RNF13: variants seen among roughly 807,000 people sequenced by gnomAD.
RNF13 encodes E3 ubiquitin-protein ligase RNF13.
In RNF13, 19 loss-of-function variants were observed where a neutral mutation model predicts 37.7. The ratio of observed to expected loss-of-function variants is 0.50; its 90% CI spans 0.35 to 0.74. The LOEUF (loss-of-function observed/expected upper bound fraction) is 0.74. RNF13 is among the 30% of genes least tolerant of loss of function. The probability of loss-of-function intolerance (pLI) is 0.01; values close to 1 mark genes in which losing one functional copy is unlikely to be tolerated. For synonymous variants in RNF13, 144 were observed against 157.8 expected (o/e 0.91, Z 0.65); for missense variants, 375 against 453.0 (o/e 0.83, Z 1.56).
chr3:149,847,545 A>G (rs1306235926), intron 2 of RNF13, among the ~76,000 whole-genome samples: 1 of 152,008 alleles, frequency 6.6e-6, no homozygotes, highest in Non-Finnish European at 1.5e-5. Context: ...AGTAATCCAT[A>G]CGAGATTTCT....
At chr3:149,818,488 A>T (rs1328917758) in intron 1 of RNF13, among the ~76,000 whole-genome samples, 4 of 152,166 alleles carry the variant, frequency 2.6e-5, no homozygotes, top group Non-Finnish European at 5.9e-5. Context: ...TGCTCAACAA[A>T]CGTAGGTACT....
chr3:149,813,723 T>A (rs76935905), intron 1 of RNF13: 4,183 of 152,350 alleles, frequency 0.027, 84 homozygotes, highest in Non-Finnish European at 0.036. Context: ...TGACTTTAGT[T>A]GAGGGGGCTG....
In RNF13 at chr3:149,911,987, T is replaced by A. The variant is rs908478602; in HGVS notation, c.510T>A (p.Leu170=). The change falls in exon 7 of 10, where the codon CTT becomes CTA. Residue 170 remains leucine, a synonymous_variant. Transcript: ENST00000392894. ...DEFTYEKGGH[L]ILVPEFSLPL... is the part of the protein sequence containing the mutation. ...TTTTGTTTTCTTCTAGGGGCCACCT[T>A]ATCTTAGTTCCAGAATTTAGTCTTC... The A allele has an allele frequency of 6.4e-7, 1 of 1,560,396 alleles. No homozygotes were observed. Among genetic ancestry groups the A allele is most frequent in the Non-Finnish European group, 8.8e-7 (1 of 1,133,048 alleles).
At chr3:149,846,890 G>T (rs1722694014) in intron 2 of RNF13, among the ~76,000 whole-genome samples, 1 of 152,208 alleles carries the variant, frequency 6.6e-6, no homozygotes, top group Non-Finnish European at 1.5e-5. Flanking sequence ...TGAATCAGAA[G>T]AGAAGCACAG....
At chr3:149,852,845 A>T (rs1184335153) in intron 3 of RNF13, among the ~76,000 whole-genome samples, 1 of 151,514 alleles carries the variant, frequency 6.6e-6, no homozygotes, top group African/African-American at 2.4e-5. Context: ...TTTTTTTAGG[A>T]TATGTGCTAT....
At chr3:149,877,463 T>C (rs1355043419) in intron 4 of RNF13, among the ~76,000 whole-genome samples, 1 of 150,596 alleles carries the variant, frequency 6.6e-6, no homozygotes, top group African/African-American at 2.4e-5. Flanking sequence ...TAACTCTTTT[T>C]CTTTCTGTCT....
intron 1 of RNF13, chr3:149,817,131 A>G (rs1269203020): frequency 3.9e-5 from 6 of 152,228 alleles, no homozygotes; most frequent in Non-Finnish European, 7.3e-5. Flanking sequence ...TGTGTATTCT[A>G]TGAAAAGGGA....
At chr3:149,939,287 A>G in intron 8 of RNF13, 1 of 470,484 alleles carries the variant, frequency 2.1e-6, no homozygotes, top group Non-Finnish European at 4.1e-6. Context: ...CATCAAAATC[A>G]TCATCATCGT....
chr3:149,867,438 T>C (rs574973761), intron 3 of RNF13, among the ~76,000 whole-genome samples: 1 of 151,544 alleles, frequency 6.6e-6, no homozygotes, highest in South Asian at 2.1e-4. Context: ...GCTAATTTTT[T>C]TGTATTTTTA....
At chr3:149,837,759 T>C (rs1328354535) in intron 1 of RNF13, among the ~76,000 whole-genome samples, 2 of 151,680 alleles carry the variant, frequency 1.3e-5, no homozygotes, top group African/African-American at 4.8e-5. Context: ...AGCCAAACCA[T>C]GTCATTCTGC....
chr3:149,858,990 G>A (rs73155080), intron 3 of RNF13, among the ~76,000 whole-genome samples: 2,483 of 152,232 alleles, frequency 0.016, 25 homozygotes, highest in Non-Finnish European at 0.025. Flanking sequence ...TGGTTGTTTG[G>A]ATGTTTTATT....
chr3:149,835,726 G>A (rs1375763360), intron 1 of RNF13, among the ~76,000 whole-genome samples: 3 of 151,486 alleles, frequency 2.0e-5, no homozygotes, highest in South Asian at 4.2e-4. Flanking sequence ...TTGATTGATG[G>A]GCATTTGGGC....
intron 3 of RNF13, among the ~76,000 whole-genome samples, chr3:149,860,300 T>TATAA (rs1467450547): frequency 8.5e-5 from 11 of 128,740 alleles, no homozygotes; most frequent in African/African-American, 2.3e-4. Flanking sequence ...TATATATATA[T>TATAA]AACGTGTATA....
intron 4 of RNF13, chr3:149,895,206 T>C (rs75652637): frequency 0.088 from 26,110 of 295,894 alleles, 1,587 homozygotes; most frequent in Admixed American, 0.11. Flanking sequence ...AACTGAGGGT[T>C]ACAAAAGAAG....
intron 4 of RNF13, among the ~76,000 whole-genome samples, chr3:149,879,958 C>T (rs1390096978): frequency 6.6e-6 from 1 of 152,150 alleles, no homozygotes; most frequent in African/African-American, 2.4e-5. Context: ...ATTTCAGATT[C>T]TTGGGAGTAG....
rs11711148 is a variant in RNF13, at chr3:149,835,857, C to T, written c.-16-10154C>T. Among the ~76,000 whole-genome samples the T allele has an allele frequency of 1.8e-3, 274 of 151,048 alleles. 1 individual carries two copies. The highest frequency in any genetic ancestry group is 6.2e-3 in the African/African-American group (255 of 40,880). On this transcript the variant is annotated intron_variant, in intron 1 of 9. Coordinates refer to ENST00000392894, the MANE Select transcript of RNF13 (RefSeq NM_183381.3). ...ATCCCCAGTAGTGGGATTGCTGGAT[C>T]CCCAGTACTGGGATTGCTGGATTCC...
intron 8 of RNF13, among the ~76,000 whole-genome samples, chr3:149,945,093 C>T (rs1017492240): frequency 3.3e-5 from 5 of 152,126 alleles, no homozygotes; most frequent in Admixed American, 2.0e-4. Context: ...TTGTTTTTGT[C>T]AGGTTTGTCA....
At chr3:149,847,849 A>G (rs1444653860) in intron 2 of RNF13, among the ~76,000 whole-genome samples, 1 of 151,884 alleles carries the variant, frequency 6.6e-6, no homozygotes, top group East Asian at 1.9e-4. Flanking sequence ...TGTTTTTAAT[A>G]CTTTTTGCCT....
At chr3:149,877,104 C>T in intron 4 of RNF13, among the ~76,000 whole-genome samples, 1 of 152,060 alleles carries the variant, frequency 6.6e-6, no homozygotes, top group Admixed American at 6.6e-5. Context: ...ACTATTTAAT[C>T]CCACATCAGT....
Sources: allele counts gnomAD v4.1 joint callset (sites outside exome capture counted in the v4.1 genomes callset), GRCh38; gene constraint gnomAD v4.1.1; transcripts MANE v1.5; gene names NCBI Gene and HGNC (gene_info 2026-07-23, HGNC 2026-07-21).